Variants in SPNS3 observed in about 807,000 individuals in gnomAD.
SPNS3 encodes SPNS lysolipid transporter 3, sphingosine-1-phosphate (putative).
Under a neutral mutation model 54.4 loss-of-function variants are expected in SPNS3, and 51 were observed. The ratio of observed to expected loss-of-function variants is 0.94; its 90% CI spans 0.75 to 1.18. The LOEUF is 1.18. Among genes scored for constraint, SPNS3 ranks in the 50% most tolerant of loss-of-function variants. The pLI, the probability that SPNS3 is intolerant of heterozygous loss-of-function variation, is 0.00. For missense variants in SPNS3, 669 were observed against 677.4 expected, an observed-to-expected ratio of 0.99 and a Z score of 0.14; for synonymous variants, 309 against 294.7, an observed-to-expected ratio of 1.05 and a Z score of -0.50.
intron 9 of SPNS3, among the ~76,000 whole-genome samples, chr17:4,485,580 A>G (rs886284465): frequency 2.6e-5 from 4 of 152,184 alleles, no homozygotes; most frequent in Admixed American, 1.3e-4. Context: ...TATTTTTAGT[A>G]GAGACAGGGT....
intron 4 of SPNS3, 135 bp downstream of exon 4, chr17:4,446,334 A>C: frequency 1.1e-6 from 1 of 936,914 alleles, no homozygotes; most frequent in Non-Finnish European, 1.6e-6. Flanking sequence ...CCCCTCCCTC[A>C]CCATGTGAGT....
chr17:4,442,921 T>C (rs1049216305), intron 2 of SPNS3, among the ~76,000 whole-genome samples: 1 of 152,158 alleles, frequency 6.6e-6, no homozygotes, highest in Non-Finnish European at 1.5e-5. Context: ...TTAGGAGACC[T>C]TGGGAATGAG....
intron 8 of SPNS3, among the ~76,000 whole-genome samples, chr17:4,458,139 C>T (rs927786718): frequency 2.6e-5 from 4 of 152,074 alleles, no homozygotes; most frequent in African/African-American, 7.2e-5. Context: ...CAGGCCTACC[C>T]TCCTCTCCGT....
rs551139427 is a variant in SPNS3, at chr17:4,485,666, G to C, written c.1180-562G>C. ...CCGCCTTGGCCTCCCAAAGTGCTGGGATTACAGACGTGAGCCACCGCGCCT... is the reference window on the plus strand; with the variant it reads ...CCGCCTTGGCCTCCCAAAGTGCTGGCATTACAGACGTGAGCCACCGCGCCT... On this transcript the variant is annotated intron_variant, in intron 9 of 11. Transcript: ENST00000355530. Among the ~76,000 whole-genome samples the C allele has an allele frequency of 6.6e-5, 10 of 152,292 alleles. No individual in the cohort carries two copies. The East Asian group carries it at 1.2e-3, about 18-fold the overall frequency.
chr17:4,460,090 C>A (rs542702034), intron 8 of SPNS3, among the ~76,000 whole-genome samples: 2 of 152,136 alleles, frequency 1.3e-5, no homozygotes, highest in African/African-American at 4.8e-5. Context: ...ACTGTGAAGG[C>A]CCTGAGTCAG....
chr17:4,438,671 A>G (rs866989113), intron 1 of SPNS3, among the ~76,000 whole-genome samples: 2 of 152,196 alleles, frequency 1.3e-5, no homozygotes, highest in African/African-American at 2.4e-5. Flanking sequence ...TTTTATGTAC[A>G]TGTTCACCTA....
In SPNS3 at chr17:4,452,208, C is replaced by T. The variant is rs548489253; in HGVS notation, c.924-808C>T. On this transcript the variant is annotated intron_variant, in intron 7 of 11. Transcript: ENST00000355530. ...AACTTCTGAGCTCAAGCGATCCTCCCGCCTCAGCCTCCTGAGTAGCTGGGA... is the reference window on the plus strand; with the variant it reads ...AACTTCTGAGCTCAAGCGATCCTCCTGCCTCAGCCTCCTGAGTAGCTGGGA... Among the ~76,000 whole-genome samples the T allele has an allele frequency of 6.6e-5, 10 of 152,086 alleles. No homozygotes were observed. In the South Asian group the frequency reaches 1.0e-3, roughly 16 times the overall value.
intron 1 of SPNS3, among the ~76,000 whole-genome samples, chr17:4,436,955 G>A (rs1173433439): frequency 6.6e-6 from 1 of 152,224 alleles, no homozygotes; most frequent in Non-Finnish European, 1.5e-5. Context: ...CGCTATCTCT[G>A]CCGCTAGCCC....
At chr17:4,456,721 G>T (rs78116121) in intron 8 of SPNS3, among the ~76,000 whole-genome samples, 24,932 of 142,808 alleles carry the variant, frequency 0.17, 2,100 homozygotes, top group Middle Eastern at 0.24. Context: ...TGTTTTTTTT[G>T]GTTTTTTTTT....
chr17:4,458,638 TTTCTTTCTTTCC>T (rs1262658906), intron 8 of SPNS3, among the ~76,000 whole-genome samples: 7 of 130,476 alleles, frequency 5.4e-5, no homozygotes, highest in Admixed American at 2.4e-4. Flanking sequence ...TCTTTCTTTC[TTTCTTTCTTTCC>T]TTCCTTCTTT....
At chr17:4,456,999 T>G (rs1278999333) in intron 8 of SPNS3, among the ~76,000 whole-genome samples, 2 of 152,094 alleles carry the variant, frequency 1.3e-5, no homozygotes, top group Non-Finnish European at 2.9e-5. Context: ...ACAGGCATGA[T>G]CCACCACGCC....
intron 8 of SPNS3, among the ~76,000 whole-genome samples, chr17:4,462,750 C>T: frequency 3.9e-5 from 5 of 127,332 alleles, no homozygotes; most frequent in Non-Finnish European, 3.4e-5. Context: ...TCCATCCATC[C>T]ACCAATCCAT....
chr17:4,443,821 C>T (rs1378712841), intron 2 of SPNS3, among the ~76,000 whole-genome samples: 3 of 152,260 alleles, frequency 2.0e-5, no homozygotes, highest in African/African-American at 7.2e-5. Flanking sequence ...GGACAGTGGG[C>T]CGGGCACAGT....
chr17:4,441,944 TCAAGATTATTACTA>T (rs906723680), intron 2 of SPNS3, among the ~76,000 whole-genome samples: 1 of 147,732 alleles, frequency 6.8e-6, no homozygotes, highest in Non-Finnish European at 1.5e-5. Flanking sequence ...ACCGTAGTGG[TCAAGATTATTACTA>T]CAAGTCCTGG....
At chr17:4,466,472 G>A (rs956523131) in intron 8 of SPNS3, among the ~76,000 whole-genome samples, 1 of 151,184 alleles carries the variant, frequency 6.6e-6, no homozygotes, top group African/African-American at 2.4e-5. Context: ...CCCAGGAGGC[G>A]GAGGTTGCAG....
chr17:4,485,728 T>C (rs1480592460), intron 9 of SPNS3, among the ~76,000 whole-genome samples: 1 of 152,212 alleles, frequency 6.6e-6, no homozygotes, highest in Non-Finnish European at 1.5e-5. Context: ...CTCAGCCTTG[T>C]CCGTGGAGTC....
At chr17:4,454,393 G>A (rs146482855) in intron 8 of SPNS3, among the ~76,000 whole-genome samples, 1 of 152,366 alleles carries the variant, frequency 6.6e-6, no homozygotes, top group Non-Finnish European at 1.5e-5. Flanking sequence ...TGGGCCCTGT[G>A]GCTGCAGACA....
Position 4,434,184 on chromosome 17 carries a change from A to G in SPNS3, c.199+18A>G. 1 of 1,597,214 alleles carries G rather than the reference A, an allele frequency of 6.3e-7. No homozygotes were observed. ...CATTGCAGGTGAGGAGGGGATGGCT[A>G]CCCTGGGCAGTACCTGCTGCTGTGC... On this transcript the variant is annotated intron_variant, in intron 1 of 11. Coordinates refer to ENST00000355530, the MANE Select transcript of SPNS3 (RefSeq NM_182538.5).
At position 4,486,437 on chromosome 17, in the gene SPNS3, G is replaced by A. The variant is rs564649711; in HGVS notation, c.1304G>A (p.Arg435His). 1.2e-5 allele frequency: 20 copies of A among 1,609,058 alleles called. No homozygotes were observed. Among genetic ancestry groups the A allele is most frequent in the Middle Eastern group, 1.7e-4 (1 of 6,050 alleles). Residue 435 changes from arginine (R) to histidine (H), a missense_variant, in exon 11 of 12, where the codon CGC (arginine) becomes CAC (histidine). By Grantham distance (29) the Arg-to-His change is conservative. Coordinates refer to ENST00000355530, the MANE Select transcript of SPNS3 (RefSeq NM_182538.5). The surrounding 1 kb of genome is among the most constrained non-coding windows in gnomAD (Gnocchi z 5.5). ...GLISSVLRAR[R>H]PDSYLQRFRS... ...ATCTCTAGTGTCCTGCGGGCCAGGC[G>A]CCCTGACTCCTATCTGCAGCGCTTC...
Sources: allele counts gnomAD v4.1 joint callset (sites outside exome capture counted in the v4.1 genomes callset), GRCh38; gene constraint gnomAD v4.1.1; non-coding constraint Gnocchi (gnomAD v3.1); transcripts MANE v1.5; gene names NCBI Gene and HGNC (gene_info 2026-07-23, HGNC 2026-07-21).